DHRS4: variants seen among roughly 807,000 people sequenced by gnomAD.
DHRS4 encodes dehydrogenase/reductase 4.
DHRS4 carries 20 observed loss-of-function variants against 28.4 expected under a neutral mutation model. The observed-to-expected ratio is 0.71, with a 90% CI of 0.50 to 1.02. DHRS4 has a LOEUF of 1.02. Among genes scored for constraint, DHRS4 ranks in the 50% least tolerant of loss-of-function variants. DHRS4 has a pLI of 0.00. For synonymous variants in DHRS4, 144 were observed against 146.4 expected (o/e 0.98, Z 0.12); for missense variants, 378 against 367.2 (o/e 1.03, Z -0.24).
chr14:23,961,734 A>C (rs142199239), intron 3 of DHRS4, among the ~76,000 whole-genome samples: 3,519 of 83,090 alleles, frequency 0.042, 74 homozygotes, highest in African/African-American at 0.25. Flanking sequence ...GCTGGTCTCA[A>C]ATTCCTGGCC....
chr14:23,957,040 C>A (rs2033205343), intron 2 of DHRS4, among the ~76,000 whole-genome samples: 1 of 152,154 alleles, frequency 6.6e-6, no homozygotes, highest in Non-Finnish European at 1.5e-5. Context: ...GAAAGCTAAT[C>A]TGGCTCTGGT....
intron 2 of DHRS4, among the ~76,000 whole-genome samples, chr14:23,959,003 G>A (rs1423731534): frequency 1.3e-5 from 2 of 152,196 alleles, no homozygotes; most frequent in Non-Finnish European, 2.9e-5. Flanking sequence ...ACTTTCTACA[G>A]CTCTATTTAA....
chr14:23,954,107 C>T, intron 1 of DHRS4, 191 bp downstream of exon 1: 1 of 821,958 alleles, frequency 1.2e-6, no homozygotes, highest in South Asian at 1.8e-5. Flanking sequence ...CCCTTGCCAG[C>T]CCTCCTGTCC....
intron 2 of DHRS4, among the ~76,000 whole-genome samples, chr14:23,956,123 C>A (rs1190703748): frequency 6.6e-6 from 1 of 152,164 alleles, no homozygotes; most frequent in Non-Finnish European, 1.5e-5. Context: ...AACTGTCTGG[C>A]AAATGCTCAA....
chr14:23,956,691 G>A (rs1190256142), intron 2 of DHRS4, among the ~76,000 whole-genome samples: 3 of 141,748 alleles, frequency 2.1e-5, no homozygotes, highest in South Asian at 2.3e-4. Flanking sequence ...TGCAACCTCC[G>A]CCTCCAGGTT....
rs1337191063 is a variant in DHRS4 at position 23,966,014 on chromosome 14, C to A, written c.531+31C>A. On this transcript the variant is annotated intron_variant, in intron 5 of 7. Transcript: ENST00000313250. Reference sequence around the variant, plus strand: ...AACCCTTTTGTCTACCTCTTCCATCCCACCCTCCACTCCACATCTTTCCAC... The same window carrying A: ...AACCCTTTTGTCTACCTCTTCCATCACACCCTCCACTCCACATCTTTCCAC... 13 of 1,609,052 alleles carry A rather than the reference C, an allele frequency of 8.1e-6. 1 individual carries two copies. Among genetic ancestry groups the A allele is most frequent in the African/African-American group, 1.3e-5 (1 of 74,528 alleles).
At chr14:23,960,600 G>C (rs1411541310) in intron 3 of DHRS4, among the ~76,000 whole-genome samples, 1 of 151,860 alleles carries the variant, frequency 6.6e-6, no homozygotes, top group East Asian at 1.9e-4. Context: ...ATGTGAAAGT[G>C]TATAATTACA....
At chr14:23,954,010 C>T in intron 1 of DHRS4, 94 bp downstream of exon 1, 1 of 1,503,722 alleles carries the variant, frequency 6.7e-7, no homozygotes, top group Non-Finnish European at 8.9e-7. Flanking sequence ...GTCCTCAGAC[C>T]TTACACGCTG....
rs139708761 is a variant in DHRS4 at position 23,955,015 on chromosome 14, T to G, written c.129-20T>G. Reference sequence around the variant, plus strand: ...TCCCCTGCACAGGCCTTAGCAGTCTTTGTCTCTTTCTGCTCACAGGATCGG... The same window carrying G: ...TCCCCTGCACAGGCCTTAGCAGTCTGTGTCTCTTTCTGCTCACAGGATCGG... On this transcript the variant is annotated intron_variant, in intron 1 of 7. Coordinates refer to ENST00000313250, the MANE Select transcript of DHRS4 (RefSeq NM_021004.4). 12,925 of 1,614,034 alleles carry G rather than the reference T, an allele frequency of 8.0e-3. 397 individuals are homozygous for G. In the East Asian group the frequency reaches 0.088, roughly 11 times the overall value.
Position 23,964,230 on chromosome 14 carries a change from A to AC in DHRS4, c.409-1532_409-1531insC, listed in dbSNP as rs2033527612. ...CGAAACTGCAATTTGTAAAAAAAAAAAAAAAAAAAAAAAAAAAAAAAAAAC... is the reference window on the plus strand; with the variant it reads ...CGAAACTGCAATTTGTAAAAAAAAAACAAAAAAAAAAAAAAAAAAAAAAAAC... On this transcript the variant is annotated intron_variant, in intron 3 of 7. Transcript: ENST00000313250. 3.4e-5 allele frequency among the ~76,000 whole-genome samples: 2 copies of AC among 59,088 alleles called. 1 individual carries two copies. Among genetic ancestry groups the AC allele is most frequent in the African/African-American group, 1.2e-4 (2 of 16,060 alleles). 38.8% of individuals were successfully genotyped at this position (59,088 alleles called of 152,430 possible). A position where few individuals can be genotyped will look rare whatever the true frequency, so the allele number is the denominator to read the frequency against.
chr14:23,966,304 A>T lies in DHRS4; in HGVS notation c.553A>T (p.Ser185Cys). The change falls in exon 6 of 8, where the codon AGT becomes TGT. Residue 185 changes from serine to cysteine, a missense_variant. Coordinates refer to ENST00000313250, the MANE Select transcript of DHRS4 (RefSeq NM_021004.4). Reference sequence around the variant, plus strand: ...CCAGGGCTTCAGTCCTTACAATGTCAGTAAAACAGCCTTGCTGGGCCTGAC... The same window carrying T: ...CCAGGGCTTCAGTCCTTACAATGTCTGTAAAACAGCCTTGCTGGGCCTGAC... ...PSPGFSPYNVSKTALLGLTKT... is the reference protein window; with the variant it reads ...PSPGFSPYNVCKTALLGLTKT... 10 of 1,613,940 alleles carry T rather than the reference A, an allele frequency of 6.2e-6. No individual in the cohort carries two copies. The highest frequency in any genetic ancestry group is 7.6e-6 in the Non-Finnish European group (9 of 1,179,990).
intron 2 of DHRS4, among the ~76,000 whole-genome samples, chr14:23,956,167 GAAAGTCACAAATGTGAGTCCAAA>G (rs1297400743): frequency 6.6e-6 from 1 of 152,214 alleles, no homozygotes; most frequent in Non-Finnish European, 1.5e-5. Flanking sequence ...ATGAGTCCAA[GAAAGTCACAAATGTGAGTCCAAA>G]AAAGCTTGGC....
intron 5 of DHRS4, 132 bp from the exon 6 acceptor site, chr14:23,966,151 C>G: frequency 1.3e-6 from 2 of 1,581,378 alleles, no homozygotes; most frequent in Non-Finnish European, 1.7e-6. Context: ...GGAGGTTTAG[C>G]CACAAGACAG....
chr14:23,956,258 G>A (rs182842712), intron 2 of DHRS4, among the ~76,000 whole-genome samples: 14 of 152,348 alleles, frequency 9.2e-5, no homozygotes, highest in East Asian at 3.9e-4. Flanking sequence ...GGAAGGAGCC[G>A]TTTGGGAGTC....
At chr14:23,959,769 T>G (rs2033331536) in intron 2 of DHRS4, 133 bp from the exon 3 acceptor site, 4 of 1,048,756 alleles carry the variant, frequency 3.8e-6, no homozygotes, top group Non-Finnish European at 5.8e-6. Context: ...GCCTCCCACC[T>G]TGGCCTCCCA....
intron 2 of DHRS4, among the ~76,000 whole-genome samples, chr14:23,958,744 G>T (rs759511457): frequency 1.2e-4 from 19 of 152,280 alleles, no homozygotes; most frequent in African/African-American, 1.9e-4. Flanking sequence ...CTTTCAGAGG[G>T]CTCTTATGAA....
At chr14:23,966,065 T>C in intron 5 of DHRS4, 82 bp downstream of exon 5, 1 of 1,606,774 alleles carries the variant, frequency 6.2e-7, no homozygotes, top group Middle Eastern at 1.7e-4. Context: ...AGGAAGTTTG[T>C]GTCCCCTTGT....
intron 1 of DHRS4, 28 bp downstream of exon 1, chr14:23,953,944 G>T: frequency 6.4e-7 from 1 of 1,559,136 alleles, no homozygotes; most frequent in Admixed American, 1.9e-5. Flanking sequence ...AGTTTCTGAG[G>T]CCCTGGCTGC....
At chr14:23,956,868 G>C (rs1002982086) in intron 2 of DHRS4, among the ~76,000 whole-genome samples, 1 of 152,156 alleles carries the variant, frequency 6.6e-6, no homozygotes, top group Admixed American at 6.5e-5. Context: ...CTCCCAATGT[G>C]CTGGGATTAC....
Sources: allele counts gnomAD v4.1 joint callset (sites outside exome capture counted in the v4.1 genomes callset), GRCh38; gene constraint gnomAD v4.1.1; transcripts MANE v1.5; gene names NCBI Gene and HGNC (gene_info 2026-07-23, HGNC 2026-07-21).